Variants in ELMOD1 observed in about 807,000 individuals in gnomAD.
ELMOD1 encodes the protein ELMO domain-containing protein 1.
In ELMOD1, 21 loss-of-function variants were observed where a neutral mutation model predicts 46.7. That is an observed-to-expected ratio of 0.45 (90% confidence interval 0.32 to 0.65). The LOEUF (loss-of-function observed/expected upper bound fraction) is 0.65. Among genes scored for constraint, ELMOD1 ranks in the 30% least tolerant of loss-of-function variants. The pLI is 0.04. For synonymous variants in ELMOD1, 122 were observed against 138.2 expected (o/e 0.88, Z 0.82); for missense variants, 348 against 407.8 (o/e 0.85, Z 1.26).
chr11:107,628,524 A>G (rs545007886), intron 2 of ELMOD1, among the ~76,000 whole-genome samples: 2 of 151,286 alleles, frequency 1.3e-5, no homozygotes, highest in African/African-American at 4.8e-5. Flanking sequence ...ATTTATTTTT[A>G]GGGCTACTGG....
Position 107,603,662 on chromosome 11 carries a change from C to T in ELMOD1, c.-86+12253C>T, listed in dbSNP as rs1049074786. Among the ~76,000 whole-genome samples the T allele has an allele frequency of 2.0e-5, 3 of 151,302 alleles. No individual in the cohort carries two copies. The East Asian group carries it at 5.9e-4, about 30-fold the overall frequency. Reference sequence around the variant, plus strand: ...AACTCCTGAACATGGCTGAGATTCTCACTCAGGAGTTCGAGACCAGCCTGG... The same window carrying T: ...AACTCCTGAACATGGCTGAGATTCTTACTCAGGAGTTCGAGACCAGCCTGG... On this transcript the variant is annotated intron_variant, in intron 1 of 11. Transcript: ENST00000265840.
At chr11:107,609,295 G>T (rs538763426) in intron 1 of ELMOD1, among the ~76,000 whole-genome samples, 1 of 151,642 alleles carries the variant, frequency 6.6e-6, no homozygotes, top group Non-Finnish European at 1.5e-5. Flanking sequence ...ATTAAACTGG[G>T]GTAATCTCAA....
intron 2 of ELMOD1, among the ~76,000 whole-genome samples, chr11:107,626,161 A>G (rs1866036654): frequency 6.6e-6 from 1 of 152,176 alleles, no homozygotes; most frequent in Non-Finnish European, 1.5e-5. Flanking sequence ...TATGAAGAAG[A>G]AAAGCGAATA....
At chr11:107,612,776 CTT>C (rs1178592714) in intron 1 of ELMOD1, among the ~76,000 whole-genome samples, 5 of 152,170 alleles carry the variant, frequency 3.3e-5, no homozygotes, top group Non-Finnish European at 5.9e-5. Context: ...AGCTACTTGA[CTT>C]TAAAAAGAAA....
intron 6 of ELMOD1, chr11:107,643,368 GAAAAA>G: frequency 1.2e-4 from 20 of 166,052 alleles, no homozygotes; most frequent in South Asian, 3.0e-4. Flanking sequence ...CTCCATCTAG[GAAAAA>G]AAAAAAAAAA....
Position 107,618,121 on chromosome 11 carries a change from C to T in ELMOD1, c.-69C>T. Reference sequence around the variant, plus strand: ...TTCCCACAGTTGACACTTACTTTGACAAAGGCAAATTTGGAAGCAATTACT... The same window carrying T: ...TTCCCACAGTTGACACTTACTTTGATAAAGGCAAATTTGGAAGCAATTACT... On this transcript the variant is annotated 5_prime_UTR_variant, in exon 2 of 12. Transcript: ENST00000265840. 6.5e-7 allele frequency: 1 copy of T among 1,529,972 alleles called. No individual in the cohort carries two copies. The highest frequency in any genetic ancestry group is 8.9e-7 in the Non-Finnish European group (1 of 1,126,938). The allele number at this position is 1,529,972 out of a possible 1,614,324, so 94.8% of individuals were successfully genotyped here. A position where few individuals can be genotyped will look rare whatever the true frequency, so the allele number is the denominator to read the frequency against.
chr11:107,633,439 A>T (rs1866175299), intron 5 of ELMOD1, among the ~76,000 whole-genome samples: 1 of 152,016 alleles, frequency 6.6e-6, no homozygotes, highest in Non-Finnish European at 1.5e-5. Flanking sequence ...ATTTATTTTA[A>T]TCTTTTTTTT....
chr11:107,631,774 C>A, intron 5 of ELMOD1, 97 bp downstream of exon 5: 2 of 594,278 alleles, frequency 3.4e-6, no homozygotes, highest in South Asian at 3.4e-5. Context: ...TTCTCCCTCT[C>A]TCCCTAAAAT....
intron 11 of ELMOD1, among the ~76,000 whole-genome samples, chr11:107,662,935 C>A (rs1866768870): frequency 6.6e-6 from 1 of 151,780 alleles, no homozygotes; most frequent in African/African-American, 2.4e-5. Context: ...TCCTGTGTTG[C>A]CCAGGCTGGC....
chr11:107,608,658 G>T (rs1445132425), intron 1 of ELMOD1, among the ~76,000 whole-genome samples: 3 of 152,148 alleles, frequency 2.0e-5, no homozygotes, highest in African/African-American at 7.2e-5. Flanking sequence ...TAAAACTCAT[G>T]TATTTTCGCT....
At chr11:107,650,825 G>A in intron 8 of ELMOD1, 60 bp from the exon 9 acceptor site, 1 of 1,024,574 alleles carries the variant, frequency 9.8e-7, no homozygotes, top group Non-Finnish European at 1.4e-6. Flanking sequence ...TAAAATTCTA[G>A]ATTCTAAATT....
Position 107,665,445 on chromosome 11 carries a change from A to G in ELMOD1, c.*248A>G. ...TTACATCTTGCCTTGATACCCAGGTATGGAGAGAGTTTTCTATTTTTTTAG... is the reference window on the plus strand; with the variant it reads ...TTACATCTTGCCTTGATACCCAGGTGTGGAGAGAGTTTTCTATTTTTTTAG... On this transcript the variant is annotated 3_prime_UTR_variant, in exon 12 of 12. Coordinates refer to ENST00000265840, the MANE Select transcript of ELMOD1 (RefSeq NM_018712.4). 1 of 375,902 alleles carries G rather than the reference A, an allele frequency of 2.7e-6. No homozygotes were observed. The highest frequency in any genetic ancestry group is 4.7e-6 in the Non-Finnish European group (1 of 211,544). The allele number at this position is 375,902 out of a possible 1,614,324, so 23.3% of individuals were successfully genotyped here.
intron 1 of ELMOD1, chr11:107,592,316 C>T (rs1396208912): frequency 5.6e-6 from 3 of 532,266 alleles, no homozygotes; most frequent in African/African-American, 1.9e-5. Flanking sequence ...TCCCCCACCA[C>T]CTAGGAAAAT....
chr11:107,655,707 A>G (rs1029817515), intron 10 of ELMOD1, among the ~76,000 whole-genome samples: 4 of 150,166 alleles, frequency 2.7e-5, no homozygotes, highest in African/African-American at 9.8e-5. Flanking sequence ...TTTCTTGATT[A>G]TTTGCTGAAC....
chr11:107,664,669 G>A (rs527762723), intron 11 of ELMOD1, among the ~76,000 whole-genome samples: 7 of 152,224 alleles, frequency 4.6e-5, no homozygotes, highest in Admixed American at 1.3e-4. Context: ...AAGTTGGACC[G>A]TCACATTAAT....
chr11:107,599,740 C>CA (rs56992146), intron 1 of ELMOD1, among the ~76,000 whole-genome samples: 39 of 91,108 alleles, frequency 4.3e-4, no homozygotes, highest in Admixed American at 5.3e-4. Context: ...AGACCTGTCT[C>CA]AAAAAAAAAA....
At chr11:107,654,625 C>A (rs529337613) in intron 10 of ELMOD1, among the ~76,000 whole-genome samples, 2 of 152,004 alleles carry the variant, frequency 1.3e-5, no homozygotes, top group Non-Finnish European at 2.9e-5. Context: ...AAAAATTAGC[C>A]GGGCGTGTTG....
rs543149130 is a variant in ELMOD1, at chr11:107,615,057, T to C, written c.-85-3048T>C. ...CCCAAAGACTGTTGCATCTACAGGG[T>C]AGAGCTATGCCCCTTTTGTTTACCC... On this transcript the variant is annotated intron_variant, in intron 1 of 11. Transcript: ENST00000265840. 2.6e-5 allele frequency among the ~76,000 whole-genome samples: 4 copies of C among 152,246 alleles called. No individual in the cohort carries two copies. In the South Asian group the frequency reaches 8.3e-4, roughly 32 times the overall value.
rs117682256 is a variant in ELMOD1, at chr11:107,599,813, A to G, written c.-86+8404A>G. 6.7e-4 allele frequency among the ~76,000 whole-genome samples: 102 copies of G among 151,720 alleles called. No homozygotes were observed. In the East Asian group the frequency reaches 0.019, roughly 28 times the overall value. On this transcript the variant is annotated intron_variant, in intron 1 of 11. Coordinates refer to ENST00000265840, the MANE Select transcript of ELMOD1 (RefSeq NM_018712.4). Reference sequence around the variant, plus strand: ...TAACAGCATACTGGGGACTCTCCAGACTAGAGGATTCAAAAAGACCCTAAG... The same window carrying G: ...TAACAGCATACTGGGGACTCTCCAGGCTAGAGGATTCAAAAAGACCCTAAG...
Sources: allele counts gnomAD v4.1 joint callset (sites outside exome capture counted in the v4.1 genomes callset), GRCh38; gene constraint gnomAD v4.1.1; transcripts MANE v1.5; gene names NCBI Gene and HGNC (gene_info 2026-07-23, HGNC 2026-07-21).